The following NINL variants were observed in gnomAD, a reference collection of about 807,000 sequenced individuals.
NINL encodes ninein like, also known as ninein-like protein.
A neutral mutation model predicts 160.3 loss-of-function variants in NINL; 153 were observed. The ratio of observed to expected loss-of-function variants is 0.95; its 90% CI spans 0.84 to 1.09. NINL has a LOEUF of 1.09. Ranked by LOEUF, NINL falls within the 50% of genes least tolerant of loss-of-function variation. The pLI, the probability that NINL is intolerant of heterozygous loss-of-function variation, is 0.00. For synonymous variants in NINL, 800 were observed against 734.8 expected, an observed-to-expected ratio of 1.09 and a Z score of -1.43; for missense variants, 1,829 against 1,764.0, an observed-to-expected ratio of 1.04 and a Z score of -0.66.
intron 1 of NINL, among the ~76,000 whole-genome samples, chr20:25,575,835 T>C (rs144235927): frequency 1.8e-3 from 277 of 152,276 alleles, no homozygotes; most frequent in Middle Eastern, 6.8e-3. Flanking sequence ...CTTCACCACC[T>C]GTTTCCACTT....
At chr20:25,464,110 T>G (rs778461042) in intron 19 of NINL, among the ~76,000 whole-genome samples, 6 of 152,168 alleles carry the variant, frequency 3.9e-5, no homozygotes, top group Non-Finnish European at 8.8e-5. Context: ...CTATTCACCT[T>G]TAACATTTAA....
At chr20:25,498,656 T>C (rs148952778) in intron 8 of NINL, among the ~76,000 whole-genome samples, 2 of 152,280 alleles carry the variant, frequency 1.3e-5, no homozygotes, top group Non-Finnish European at 2.9e-5. Flanking sequence ...AGGCCCTTCA[T>C]GGGGACTGCT....
chr20:25,476,995 G>T lies in NINL; in HGVS notation c.2296C>A (p.Gln766Lys), dbSNP rs2063270693. ...DLTLELEEPP[Q>K]GPLPRGSQRS... ...TGGCTCCCGCGTGGCAGGGGTCCCT[G>T]CGGCGGCTCCTCCAGCTCCAAGGTC... Residue 766 changes from glutamine (Q) to lysine (K), a missense_variant, in exon 17 of 24, where the codon CAG becomes AAG. Gln to Lys is a moderately conservative substitution (Grantham distance 53, BLOSUM62 1). Transcript: ENST00000278886. The T allele has an allele frequency of 1.9e-6, 3 of 1,602,954 alleles. No individual in the cohort carries two copies. Among genetic ancestry groups the T allele is most frequent in the East Asian group, 4.5e-5 (2 of 44,828 alleles).
intron 21 of NINL, among the ~76,000 whole-genome samples, chr20:25,459,806 G>A (rs952485533): frequency 3.3e-5 from 5 of 152,148 alleles, no homozygotes; most frequent in Non-Finnish European, 7.4e-5. Context: ...ACTGAATGGA[G>A]AGCCATCCAG....
At chr20:25,531,504 A>G (rs2064463517) in intron 1 of NINL, among the ~76,000 whole-genome samples, 1 of 152,212 alleles carries the variant, frequency 6.6e-6, no homozygotes, top group South Asian at 2.1e-4. Flanking sequence ...AGGCGTAAGA[A>G]ATTATAAAAG....
intron 1 of NINL, among the ~76,000 whole-genome samples, chr20:25,552,134 G>C (rs1236392211): frequency 1.3e-5 from 2 of 152,178 alleles, no homozygotes; most frequent in Non-Finnish European, 1.5e-5. Context: ...GGCATAACCA[G>C]TTGGCGGGGT....
intron 1 of NINL, among the ~76,000 whole-genome samples, chr20:25,563,010 C>CA (rs1284108179): frequency 6.6e-6 from 1 of 152,000 alleles, no homozygotes; most frequent in Admixed American, 6.5e-5. Context: ...ACTAAAAATA[C>CA]AAAAAATTAG....
rs2090575451 is a variant in NINL at position 25,453,240 on chromosome 20, A to T, written c.*211T>A. ...GAAATTACTCAGGACCGCTAATAAA[A>T]ACGCCGGCTTCTGCAACATGCATAT... On this transcript the variant is annotated 3_prime_UTR_variant, in exon 24 of 24. Transcript: ENST00000278886. 1 of 441,438 alleles carries T rather than the reference A, an allele frequency of 2.3e-6. No individual in the cohort carries two copies. Among genetic ancestry groups the T allele is most frequent in the South Asian group, 6.1e-5 (1 of 16,308 alleles). The allele number at this position is 441,438 out of a possible 1,614,324, so 27.3% of individuals were successfully genotyped here.
chr20:25,491,403 C>T lies in NINL; in HGVS notation c.1433G>A (p.Arg478His), dbSNP rs368408445. The change falls in exon 11 of 24, where the codon CGC becomes CAC. Residue 478 changes from arginine (R) to histidine (H), a missense_variant. Physicochemically the swap from Arg to His is conservative, Grantham distance 29 (BLOSUM62 0). Coordinates refer to ENST00000278886, the MANE Select transcript of NINL (RefSeq NM_025176.6). Reference sequence around the variant, plus strand: ...GAGGCCAGCCTCCTCAGCCTGCAGGCGCCCCACGTCCCACTCCAGCGCGGC... The same window carrying T: ...GAGGCCAGCCTCCTCAGCCTGCAGGTGCCCCACGTCCCACTCCAGCGCGGC... ...QRAALEWDVG[R>H]LQAEEAGLRE... 3.0e-5 allele frequency: 48 copies of T among 1,612,508 alleles called. No individual in the cohort carries two copies. Among genetic ancestry groups the T allele is most frequent in the Admixed American group, 6.7e-5 (4 of 59,998 alleles).
At position 25,504,881 on chromosome 20, in the gene NINL, C is replaced by T. The variant is rs1352734304; in HGVS notation, c.708+7G>A. The T allele has an allele frequency of 6.2e-7, 1 of 1,602,162 alleles. No individual in the cohort carries two copies. The highest frequency in any genetic ancestry group is 1.1e-5 in the South Asian group (1 of 90,820). ...TATGTGGCTGGGTGGCCTGCTGTGC[C>T]CCTCACCTCTTTCTCGAGTCCCTGG... is the stretch of plus-strand genomic sequence containing the variant. On this transcript the variant is annotated splice_region_variant and intron_variant, in intron 6 of 23. Transcript: ENST00000278886.
chr20:25,514,482 A>G (rs1173637726), intron 3 of NINL, among the ~76,000 whole-genome samples: 1 of 152,276 alleles, frequency 6.6e-6, no homozygotes, highest in African/African-American at 2.4e-5. Flanking sequence ...GAAAATTTGC[A>G]GCCTGGCCAT....
Position 25,462,436 on chromosome 20 carries a change from T to C in NINL, c.3529A>G (p.Ile1177Val), listed in dbSNP as rs774274256. The change falls in exon 20 of 24, where the codon ATT becomes GTT. Residue 1177 changes from isoleucine (I) to valine (V), a missense_variant. Coordinates refer to ENST00000278886, the MANE Select transcript of NINL (RefSeq NM_025176.6). ...TCCAGGCTCTGTGTTAACATCTGAA[T>C]GGTCACACGATGCTCCTCGTTTTGG... is the stretch of plus-strand genomic sequence containing the variant. ...QAQNEEHRVT[I>V]QMLTQSLEEV... The C allele has an allele frequency of 2.8e-5, 45 of 1,614,038 alleles. No homozygotes were observed. Among genetic ancestry groups the C allele is most frequent in the East Asian group, 2.2e-5 (1 of 44,890 alleles).
At chr20:25,491,559 TCATG>T in intron 10 of NINL, 34 bp from the exon 11 acceptor site, 1 of 1,601,036 alleles carries the variant, frequency 6.2e-7, no homozygotes, top group African/African-American at 1.3e-5. Context: ...GTCAGACATG[TCATG>T]TCAGGGCTGC....
intron 1 of NINL, among the ~76,000 whole-genome samples, chr20:25,563,997 T>C (rs746774179): frequency 5.9e-5 from 9 of 152,060 alleles, no homozygotes; most frequent in East Asian, 1.9e-4. Context: ...GGCAAGAGGA[T>C]TGCTTTAGCC....
At position 25,476,963 on chromosome 20, in the gene NINL, C is replaced by G; in HGVS notation, c.2328G>C (p.Ser776=). Residue 776 remains serine, a synonymous_variant, in exon 17 of 24, where the codon TCG becomes TCC. Coordinates refer to ENST00000278886, the MANE Select transcript of NINL (RefSeq NM_025176.6). The part of the protein sequence containing the change: ...QGPLPRGSQR[S]EQLELERALK... ...GTGCCCTCTCCAGCTCCAGCTGCTC[C>G]GACCTCTGGCTCCCGCGTGGCAGGG... The G allele has an allele frequency of 6.2e-7, 1 of 1,608,658 alleles. No individual in the cohort carries two copies. Among genetic ancestry groups the G allele is most frequent in the East Asian group, 2.2e-5 (1 of 44,842 alleles).
intron 1 of NINL, among the ~76,000 whole-genome samples, chr20:25,546,094 G>C (rs369030752): frequency 1.8e-4 from 27 of 151,982 alleles, no homozygotes; most frequent in African/African-American, 5.5e-4. Flanking sequence ...GCATAAGACA[G>C]AGTCGTGCCC....
At chr20:25,479,288 T>C in intron 15 of NINL, 82 bp from the exon 16 acceptor site, 1 of 1,508,224 alleles carries the variant, frequency 6.6e-7, no homozygotes, top group Non-Finnish European at 8.9e-7. Flanking sequence ...AACACGAAGC[T>C]GCCTGGCACA....
At chr20:25,575,839 T>C (rs1385305789) in intron 1 of NINL, among the ~76,000 whole-genome samples, 2 of 152,136 alleles carry the variant, frequency 1.3e-5, no homozygotes, top group African/African-American at 2.4e-5. Flanking sequence ...ACCACCTGTT[T>C]CCACTTTTCC....
chr20:25,465,491 G>T (rs1185602392), intron 19 of NINL, among the ~76,000 whole-genome samples: 1 of 152,064 alleles, frequency 6.6e-6, no homozygotes, highest in Non-Finnish European at 1.5e-5. Context: ...AGCTGCCCTG[G>T]AACACTAGCT....
Sources: gnomAD v4.1 joint callset for allele counts (sites outside exome capture counted in the v4.1 genomes callset) on GRCh38, gnomAD v4.1.1 for gene constraint, MANE v1.5 for transcripts, NCBI Gene and HGNC (gene_info 2026-07-23, HGNC 2026-07-21) for gene names.